The following FHIT variants were observed in gnomAD, a reference collection of about 807,000 sequenced individuals.
FHIT encodes the protein bis(5'-adenosyl)-triphosphatase.
Under a neutral mutation model 17.9 loss-of-function variants are expected in FHIT, and 19 were observed. The ratio of observed to expected loss-of-function variants is 1.06; its 90% CI spans 0.74 to 1.56. The LOEUF (loss-of-function observed/expected upper bound fraction) is 1.56, where lower values mean the gene tolerates loss of function less well. FHIT is among the 40% of genes most tolerant of loss of function. The pLI is 0.00. For missense variants in FHIT, 248 were observed against 189.2 expected (o/e 1.31, Z -1.82); for synonymous variants, 81 against 69.7 (o/e 1.16, Z -0.81).
intron 5 of FHIT, among the ~76,000 whole-genome samples, chr3:60,417,285 A>T (rs1437614821): frequency 6.6e-6 from 1 of 152,304 alleles, no homozygotes; most frequent in Admixed American, 6.5e-5. Flanking sequence ...AGCAAGTTGC[A>T]ACTGTTCAGT....
chr3:60,383,764 A>G (rs1036192404), intron 5 of FHIT, among the ~76,000 whole-genome samples: 1 of 152,214 alleles, frequency 6.6e-6, no homozygotes, highest in African/African-American at 2.4e-5. Context: ...GCATTTTTCA[A>G]CAGAGGCTAT....
chr3:59,917,849 A>G (rs1239054706), intron 8 of FHIT, among the ~76,000 whole-genome samples: 1 of 152,232 alleles, frequency 6.6e-6, no homozygotes, highest in South Asian at 2.1e-4. Flanking sequence ...CTTTCAGCAA[A>G]TCCTACATCT....
intron 5 of FHIT, among the ~76,000 whole-genome samples, chr3:60,164,809 G>A (rs1437860698): frequency 6.6e-6 from 1 of 152,042 alleles, no homozygotes; most frequent in Admixed American, 6.6e-5. Flanking sequence ...ATTTAAAGCA[G>A]AATTTTACCT....
At chr3:61,039,220 A>T (rs955601412) in intron 3 of FHIT, among the ~76,000 whole-genome samples, 2 of 152,152 alleles carry the variant, frequency 1.3e-5, no homozygotes, top group Non-Finnish European at 2.9e-5. Context: ...GTTAGCTCCT[A>T]CTACTGTTGC....
At chr3:60,914,314 G>A (rs1706893125) in intron 3 of FHIT, among the ~76,000 whole-genome samples, 1 of 152,064 alleles carries the variant, frequency 6.6e-6, no homozygotes, top group Non-Finnish European at 1.5e-5. Flanking sequence ...ATAAAATACT[G>A]TAATAATAAA....
intron 4 of FHIT, among the ~76,000 whole-genome samples, chr3:60,662,052 A>T (rs2107826575): frequency 6.6e-6 from 1 of 152,212 alleles, no homozygotes; most frequent in East Asian, 1.9e-4. Flanking sequence ...TTTTTAGTTT[A>T]ATTAAGTCCC....
rs568607260 is a variant in FHIT, at chr3:60,569,460, G to A, written c.-17-32481C>T. Among the ~76,000 whole-genome samples, 6 of 152,024 alleles carry A rather than the reference G, an allele frequency of 3.9e-5. No homozygotes were observed. In the South Asian group the frequency reaches 1.2e-3, roughly 32 times the overall value. ...TACATAGTATGACATGTGAATAGAT[G>A]TAAGGAAATCCATCACTACTACTCC... On this transcript the variant is annotated intron_variant, in intron 4 of 9. Coordinates refer to ENST00000492590, the MANE Select transcript of FHIT (RefSeq NM_002012.4).
intron 2 of FHIT, among the ~76,000 whole-genome samples, chr3:61,075,996 G>A (rs9820462): frequency 8.5e-5 from 13 of 152,124 alleles, no homozygotes; most frequent in South Asian, 2.1e-4. Context: ...ATTATTATTC[G>A]TTTAATCCCT....
chr3:60,066,368 T>C (rs868304892), intron 5 of FHIT, among the ~76,000 whole-genome samples: 14 of 152,182 alleles, frequency 9.2e-5, no homozygotes, highest in Middle Eastern at 3.2e-3. Flanking sequence ...AAATTAGGTT[T>C]TATTGAAAGT....
At chr3:60,836,247 G>T (rs868929124) in intron 3 of FHIT, among the ~76,000 whole-genome samples, 7 of 151,924 alleles carry the variant, frequency 4.6e-5, no homozygotes, top group South Asian at 2.1e-4. Flanking sequence ...TCTCTTTTTT[G>T]CACTGTTTTT....
At chr3:60,340,698 TATATG>T (rs1372848824) in intron 5 of FHIT, among the ~76,000 whole-genome samples, 1 of 152,130 alleles carries the variant, frequency 6.6e-6, no homozygotes, top group Non-Finnish European at 1.5e-5. Context: ...AGTGTCCACT[TATATG>T]AGGAGGACTT....
intron 5 of FHIT, among the ~76,000 whole-genome samples, chr3:60,428,540 T>C (rs79451941): frequency 0.011 from 1,708 of 152,296 alleles, 19 homozygotes; most frequent in South Asian, 0.032. Context: ...ATATTGCTTG[T>C]TTATCCTTCT....
chr3:59,960,438 C>G (rs1707616804), intron 7 of FHIT, among the ~76,000 whole-genome samples: 1 of 152,192 alleles, frequency 6.6e-6, no homozygotes, highest in Non-Finnish European at 1.5e-5. Context: ...TACTCACTGG[C>G]TGGCAACTTC....
intron 7 of FHIT, among the ~76,000 whole-genome samples, chr3:59,996,021 A>G (rs1699495281): frequency 6.6e-6 from 1 of 152,122 alleles, no homozygotes; most frequent in Non-Finnish European, 1.5e-5. Flanking sequence ...GGCCAGGATG[A>G]CACTGGCTTT....
At chr3:59,811,878 T>C (rs1700417600) in intron 8 of FHIT, among the ~76,000 whole-genome samples, 1 of 152,176 alleles carries the variant, frequency 6.6e-6, no homozygotes, top group Admixed American at 6.5e-5. Flanking sequence ...ATGGCTGTGA[T>C]TGTGAAGGTG....
chr3:60,954,868 C>G (rs1709042419), intron 3 of FHIT, among the ~76,000 whole-genome samples: 1 of 152,174 alleles, frequency 6.6e-6, no homozygotes, highest in Admixed American at 6.5e-5. Context: ...TTCTTAACCA[C>G]AGAGCCCTCA....
At chr3:60,315,806 T>C (rs75884919) in intron 5 of FHIT, among the ~76,000 whole-genome samples, 5,820 of 152,270 alleles carry the variant, frequency 0.038, 368 homozygotes, top group African/African-American at 0.13. Flanking sequence ...CTTGGGTATA[T>C]ACCTAGAAGT....
intron 5 of FHIT, among the ~76,000 whole-genome samples, chr3:60,192,022 G>T (rs548415731): frequency 6.6e-6 from 1 of 151,956 alleles, no homozygotes; most frequent in African/African-American, 2.4e-5. Flanking sequence ...AGACTGAGGC[G>T]GGTGGATTAC....
At chr3:60,958,566 T>C (rs978150726) in intron 3 of FHIT, among the ~76,000 whole-genome samples, 5 of 152,228 alleles carry the variant, frequency 3.3e-5, no homozygotes, top group Non-Finnish European at 4.4e-5. Flanking sequence ...TGTTTCTCTT[T>C]ACCCATGAAA....
Sources: allele counts gnomAD v4.1 joint callset (sites outside exome capture counted in the v4.1 genomes callset), GRCh38; gene constraint gnomAD v4.1.1; transcripts MANE v1.5; gene names NCBI Gene and HGNC (gene_info 2026-07-23, HGNC 2026-07-21).